The following CNIH3 variants were observed in gnomAD, a reference collection of about 807,000 sequenced individuals.
CNIH3 encodes the protein protein cornichon homolog 3.
Under a neutral mutation model 24.1 loss-of-function variants are expected in CNIH3, and 14 were observed. That is an observed-to-expected ratio of 0.58 (90% CI 0.38 to 0.91). CNIH3 has a LOEUF of 0.91. CNIH3 is among the 40% of genes least tolerant of loss of function. The pLI is 0.00. For synonymous variants in CNIH3, 68 were observed against 73.8 expected (o/e 0.92, Z 0.40); for missense variants, 178 against 196.8 (o/e 0.90, Z 0.57).
At chr1:224,467,388 G>A (rs1676190698) in intron 1 of CNIH3, among the ~76,000 whole-genome samples, 1 of 151,948 alleles carries the variant, frequency 6.6e-6, no homozygotes, top group Admixed American at 6.6e-5. Context: ...TAATTCTTAA[G>A]AGGTCCAATT....
chr1:224,463,185 T>C (rs1293514434), intron 1 of CNIH3, among the ~76,000 whole-genome samples: 1 of 152,170 alleles, frequency 6.6e-6, no homozygotes, highest in Admixed American at 6.5e-5. Context: ...CGTGAGGCAC[T>C]GTGCCTGGCC....
chr1:224,438,074 G>A (rs1376635930), intron 1 of CNIH3, among the ~76,000 whole-genome samples: 3 of 151,874 alleles, frequency 2.0e-5, no homozygotes, highest in African/African-American at 4.8e-5. Flanking sequence ...CACCACACCC[G>A]GCTAATTTTT....
intron 3 of CNIH3, among the ~76,000 whole-genome samples, chr1:224,558,770 G>A (rs1680246486): frequency 6.6e-6 from 1 of 152,224 alleles, no homozygotes; most frequent in African/African-American, 2.4e-5. Flanking sequence ...AGTCACAGGG[G>A]AGAGATGTGG....
At chr1:224,448,432 CAG>C (rs1413684828) in intron 1 of CNIH3, among the ~76,000 whole-genome samples, 1 of 152,122 alleles carries the variant, frequency 6.6e-6, no homozygotes, top group Non-Finnish European at 1.5e-5. Context: ...AAAAATGGAA[CAG>C]GGGAGGTAAT....
At chr1:224,496,927 G>A (rs932028698) in intron 1 of CNIH3, among the ~76,000 whole-genome samples, 6 of 152,192 alleles carry the variant, frequency 3.9e-5, no homozygotes, top group African/African-American at 1.4e-4. Context: ...GTACAATAAT[G>A]TTCATAGCAG....
intron 3 of CNIH3, among the ~76,000 whole-genome samples, chr1:224,716,623 G>A (rs1688443958): frequency 1.3e-5 from 2 of 152,136 alleles, no homozygotes; most frequent in African/African-American, 4.8e-5. Flanking sequence ...ATGGGGTACA[G>A]TGTGGGGACC....
chr1:224,679,388 G>A (rs1686294581), intron 1 of CNIH3, among the ~76,000 whole-genome samples: 2 of 152,068 alleles, frequency 1.3e-5, no homozygotes, highest in African/African-American at 4.8e-5. Flanking sequence ...AACATTCTTA[G>A]CTCACAGGTT....
upstream of CNIH3, among the ~76,000 whole-genome samples, chr1:224,513,513 G>A (rs937839946): frequency 2.6e-5 from 4 of 151,964 alleles, no homozygotes; most frequent in Admixed American, 6.6e-5. Flanking sequence ...TGCAATGCCC[G>A]AGCCCCACTT....
At chr1:224,669,016 C>T (rs1685737069) in intron 1 of CNIH3, among the ~76,000 whole-genome samples, 1 of 152,184 alleles carries the variant, frequency 6.6e-6, no homozygotes, top group South Asian at 2.1e-4. Context: ...TTGAGCTATT[C>T]AGAGTGGCTG....
intron 1 of CNIH3, among the ~76,000 whole-genome samples, chr1:224,491,361 C>T (rs760302318): frequency 5.3e-5 from 8 of 152,218 alleles, no homozygotes; most frequent in East Asian, 1.9e-4. Context: ...GTGCTGGAAC[C>T]GGCTCATACT....
chr1:224,576,428 T>G (rs1681040212), intron 4 of CNIH3, among the ~76,000 whole-genome samples: 1 of 152,252 alleles, frequency 6.6e-6, no homozygotes, highest in African/African-American at 2.4e-5. Context: ...TCAGAAATAC[T>G]TATAATTTTT....
intron 3 of CNIH3, among the ~76,000 whole-genome samples, chr1:224,729,176 C>T (rs760220504): frequency 1.1e-3 from 167 of 151,890 alleles, no homozygotes; most frequent in Middle Eastern, 6.8e-3. Context: ...TTTGGGAGGC[C>T]GAGGTGGGCA....
chr1:224,724,386 A>G (rs1320921438), intron 3 of CNIH3, among the ~76,000 whole-genome samples: 1 of 152,130 alleles, frequency 6.6e-6, no homozygotes, highest in Non-Finnish European at 1.5e-5. Flanking sequence ...CTTCATCCAG[A>G]GTGATTAAAG....
intron 4 of CNIH3, among the ~76,000 whole-genome samples, chr1:224,579,067 C>CTTTTTT (rs60330387): frequency 2.9e-5 from 4 of 138,924 alleles, no homozygotes; most frequent in Non-Finnish European, 3.1e-5. Context: ...TTTCTTTTTT[C>CTTTTTT]TTTTTTTTTT....
intron 3 of CNIH3, among the ~76,000 whole-genome samples, chr1:224,702,905 C>T (rs1184914154): frequency 1.3e-5 from 2 of 152,178 alleles, no homozygotes; most frequent in African/African-American, 2.4e-5. Flanking sequence ...GGAGACTTCG[C>T]TGAGATAGTA....
At chr1:224,559,601 G>A (rs61825841) in intron 3 of CNIH3, among the ~76,000 whole-genome samples, 26,226 of 151,898 alleles carry the variant, frequency 0.17, 2,439 homozygotes, top group South Asian at 0.36. Context: ...TCCAACTCCT[G>A]ACCTCAAGCA....
chr1:224,734,659 G>T lies in CNIH3; in HGVS notation c.408G>T (p.Trp136Cys), dbSNP rs1378238268. Residue 136 changes from tryptophan (W) to cysteine (C), a missense_variant, in exon 5 of 6, where the codon TGG becomes TGT. Physicochemically the swap from Trp to Cys is radical, Grantham distance 215 (BLOSUM62 -2). Transcript: ENST00000272133. ...DTLSYCQKEA[W>C]CKLAFYLLSF... ...TGAGTTACTGTCAGAAGGAGGCCTG[G>T]TGTAAGCTGGCCTTCTATCTCCTCT... 6.2e-7 allele frequency: 1 copy of T among 1,614,072 alleles called. No individual in the cohort carries two copies. The highest frequency in any genetic ancestry group is 8.5e-7 in the Non-Finnish European group (1 of 1,179,902).
intron 3 of CNIH3, among the ~76,000 whole-genome samples, chr1:224,728,477 T>C (rs1689153556): frequency 6.6e-6 from 1 of 152,168 alleles, no homozygotes; most frequent in South Asian, 2.1e-4. Context: ...GAATGATGGC[T>C]CCTTTGCTCT....
chr1:224,488,333 T>A (rs529712970), intron 1 of CNIH3, among the ~76,000 whole-genome samples: 1 of 152,028 alleles, frequency 6.6e-6, no homozygotes, highest in African/African-American at 2.4e-5. Flanking sequence ...GCTCTGTCAA[T>A]TTTTTTTCCC....
Sources: allele counts gnomAD v4.1 joint callset (sites outside exome capture counted in the v4.1 genomes callset), GRCh38; gene constraint gnomAD v4.1.1; transcripts MANE v1.5; gene names NCBI Gene and HGNC (gene_info 2026-07-23, HGNC 2026-07-21).